Variants in FSTL4 observed in about 807,000 individuals in gnomAD.
The protein encoded by FSTL4 is follistatin-related protein 4.
A neutral mutation model predicts 78.2 loss-of-function variants in FSTL4; 28 were observed. That is an observed-to-expected ratio of 0.36 (90% CI 0.27 to 0.49). The LOEUF is 0.49. Among genes scored for constraint, FSTL4 ranks in the 20% least tolerant of loss-of-function variants. FSTL4 has a pLI of 0.98. For missense variants in FSTL4, 922 were observed against 1,084.9 expected (o/e 0.85, Z 2.11); for synonymous variants, 422 against 440.5 (o/e 0.96, Z 0.53).
rs369463639 is a variant in FSTL4 at position 133,224,186 on chromosome 5, G to T, written c.1339+4C>A. On this transcript the variant is annotated splice_donor_region_variant and intron_variant, in intron 11 of 15. Coordinates refer to ENST00000265342, the MANE Select transcript of FSTL4 (RefSeq NM_015082.2). The stretch of plus-strand genomic sequence containing the variant: ...GCATGACGCAAAACAATGAAGCTTG[G>T]TACCTTCCTCTCGCCACAGGATGTT... The T allele has an allele frequency of 1.9e-6, 3 of 1,611,690 alleles. No homozygotes were observed. The highest frequency in any genetic ancestry group is 1.1e-5 in the South Asian group (1 of 90,880).
intron 3 of FSTL4, among the ~76,000 whole-genome samples, chr5:133,409,031 TTAAAA>T (rs2126978224): frequency 6.6e-6 from 1 of 152,308 alleles, no homozygotes; most frequent in East Asian, 1.9e-4. Context: ...TGAATGGTTT[TTAAAA>T]AGGCAGATGC....
intron 4 of FSTL4, among the ~76,000 whole-genome samples, chr5:133,354,916 G>A (rs775545966): frequency 1.3e-5 from 2 of 152,256 alleles, no homozygotes; most frequent in Non-Finnish European, 2.9e-5. Flanking sequence ...GCTGGCCTGG[G>A]CCTAGGCCTG....
At chr5:133,458,081 T>C (rs1757526985) in intron 3 of FSTL4, 1 of 152,210 alleles carries the variant, frequency 6.6e-6, no homozygotes, top group Admixed American at 6.5e-5. Context: ...TGAACAGTCA[T>C]TGTTTAAAAA....
intron 4 of FSTL4, among the ~76,000 whole-genome samples, chr5:133,357,481 A>C (rs927616767): frequency 4.6e-5 from 7 of 152,226 alleles, no homozygotes; most frequent in African/African-American, 1.7e-4. Context: ...ATTGGGAGCC[A>C]GGGAGCCAAT....
At chr5:133,527,488 CA>C (rs1759159915) in intron 3 of FSTL4, among the ~76,000 whole-genome samples, 2 of 151,748 alleles carry the variant, frequency 1.3e-5, no homozygotes, top group Non-Finnish European at 2.9e-5. Context: ...CACACACACA[CA>C]CACACACACA....
At chr5:133,277,756 G>A (rs1302617263) in intron 6 of FSTL4, among the ~76,000 whole-genome samples, 1 of 152,270 alleles carries the variant, frequency 6.6e-6, no homozygotes, top group East Asian at 1.9e-4. Context: ...GGATCCTGGG[G>A]CCCTGGGCTT....
chr5:133,786,891 A>C, the FSTL4 span, among the ~76,000 whole-genome samples: 55 of 152,270 alleles, frequency 3.6e-4, no homozygotes, highest in African/African-American at 1.2e-3. Context: ...TGAGGTGGGG[A>C]CTATCACCAT....
intron 3 of FSTL4, among the ~76,000 whole-genome samples, chr5:133,493,706 C>T (rs762060931): frequency 4.6e-5 from 7 of 152,182 alleles, no homozygotes; most frequent in Admixed American, 6.5e-5. Flanking sequence ...CTTGCTCACT[C>T]GTCACTGCCT....
chr5:133,417,698 C>G, intron 3 of FSTL4, among the ~76,000 whole-genome samples: 1 of 152,024 alleles, frequency 6.6e-6, no homozygotes, highest in East Asian at 1.9e-4. Flanking sequence ...TGGCTCACAC[C>G]TGTAATCCCA....
At chr5:133,297,684 C>A (rs1273488503) in intron 6 of FSTL4, among the ~76,000 whole-genome samples, 2 of 152,234 alleles carry the variant, frequency 1.3e-5, no homozygotes, top group South Asian at 2.1e-4. Context: ...ATCCTGTGCA[C>A]CTGACTGGCC....
intron 2 of FSTL4, chr5:133,583,406 G>T: frequency 3.2e-6 from 1 of 313,558 alleles, no homozygotes; most frequent in Non-Finnish European, 6.3e-6. Flanking sequence ...TCTCACTAGG[G>T]AGTGCCAGAC....
At chr5:133,789,252 C>T in the FSTL4 span, among the ~76,000 whole-genome samples, 2 of 152,232 alleles carry the variant, frequency 1.3e-5, no homozygotes, top group African/African-American at 2.4e-5. Flanking sequence ...AAGGGAACCT[C>T]ACCCACATGT....
chr5:133,743,564 G>A, the FSTL4 span, among the ~76,000 whole-genome samples: 16 of 152,166 alleles, frequency 1.1e-4, no homozygotes, highest in Non-Finnish European at 1.9e-4. Context: ...AGGGATTTGT[G>A]CAAAAACTAA....
At chr5:133,289,392 A>G (rs1174782657) in intron 6 of FSTL4, among the ~76,000 whole-genome samples, 1 of 152,206 alleles carries the variant, frequency 6.6e-6, no homozygotes, top group Non-Finnish European at 1.5e-5. Flanking sequence ...TTCTTCCAGG[A>G]AGCCCAGATG....
chr5:133,371,057 T>C (rs1393494557), intron 4 of FSTL4, among the ~76,000 whole-genome samples: 1 of 152,184 alleles, frequency 6.6e-6, no homozygotes, highest in Non-Finnish European at 1.5e-5. Context: ...CCTGGTTCTC[T>C]GAATGCCTGG....
At chr5:133,423,989 C>T (rs1471143229) in intron 3 of FSTL4, among the ~76,000 whole-genome samples, 1 of 152,178 alleles carries the variant, frequency 6.6e-6, no homozygotes, top group Non-Finnish European at 1.5e-5. Flanking sequence ...CAGCTTACCA[C>T]CAGGTGTCGC....
the FSTL4 span, among the ~76,000 whole-genome samples, chr5:133,728,986 C>T: frequency 6.6e-6 from 1 of 152,098 alleles, no homozygotes; most frequent in East Asian, 1.9e-4. Context: ...GCTCCCAGGC[C>T]ATGACCTTGG....
At chr5:133,525,988 G>A (rs1260039694) in intron 3 of FSTL4, among the ~76,000 whole-genome samples, 1 of 152,178 alleles carries the variant, frequency 6.6e-6, no homozygotes. Context: ...GGGTCATGGG[G>A]GAGACGGAGC....
chr5:133,688,335 C>T, the FSTL4 span, among the ~76,000 whole-genome samples: 10,828 of 152,242 alleles, frequency 0.071, 456 homozygotes, highest in Middle Eastern at 0.14. Flanking sequence ...ATTGCTTGAA[C>T]CCAGGAAGCG....
Sources: gnomAD v4.1 joint callset for allele counts (sites outside exome capture counted in the v4.1 genomes callset) on GRCh38, gnomAD v4.1.1 for gene constraint, MANE v1.5 for transcripts, NCBI Gene and HGNC (gene_info 2026-07-23, HGNC 2026-07-21) for gene names.